DOCK5: variants seen among roughly 807,000 people sequenced by gnomAD.
The protein encoded by DOCK5 is dedicator of cytokinesis 5.
In DOCK5, 142 loss-of-function variants were observed where a neutral mutation model predicts 251.8. That is an observed-to-expected ratio of 0.56 (90% CI 0.49 to 0.65). The LOEUF is 0.65. Among genes scored for constraint, DOCK5 ranks in the 30% least tolerant of loss-of-function variants. The pLI is 0.00. For synonymous variants in DOCK5, 842 were observed against 835.5 expected, an observed-to-expected ratio of 1.01 and a Z score of -0.13; for missense variants, 2,111 against 2,312.3, an observed-to-expected ratio of 0.91 and a Z score of 1.79.
chr8:25,288,838 A>G (rs1251535326), intron 5 of DOCK5, among the ~76,000 whole-genome samples: 2 of 152,246 alleles, frequency 1.3e-5, no homozygotes, highest in African/African-American at 4.8e-5. Flanking sequence ...TAAAAATAGT[A>G]TCTTAAAAGC....
chr8:25,382,177 A>G (rs773461613), intron 39 of DOCK5, among the ~76,000 whole-genome samples: 1 of 151,872 alleles, frequency 6.6e-6, no homozygotes, highest in Non-Finnish European at 1.5e-5. Context: ...GAGTCTCACT[A>G]TGTTGCCCAG....
chr8:25,335,862 G>C (rs1004979809), intron 21 of DOCK5, among the ~76,000 whole-genome samples: 2 of 152,198 alleles, frequency 1.3e-5, no homozygotes, highest in Non-Finnish European at 2.9e-5. Context: ...CTTCTTTTAA[G>C]TCAACTCCTG....
chr8:25,351,176 G>A (rs1701236190), intron 26 of DOCK5, among the ~76,000 whole-genome samples: 1 of 152,074 alleles, frequency 6.6e-6, no homozygotes, highest in Non-Finnish European at 1.5e-5. Flanking sequence ...TCCTGCCTCA[G>A]CCTCCCGATT....
In DOCK5 at chr8:25,373,674, T is replaced by C. The variant is rs897398463; in HGVS notation, c.3725+16T>C. The C allele has an allele frequency of 1.3e-6, 2 of 1,583,032 alleles. No homozygotes were observed. The highest frequency in any genetic ancestry group is 2.3e-5 in the East Asian group (1 of 44,360). Reference sequence around the variant, plus strand: ...TATACATAAGGTAAGCTGAAGGAAATTTCTTGCTTCTGCTGTTTATTTCAT... The same window carrying C: ...TATACATAAGGTAAGCTGAAGGAAACTTCTTGCTTCTGCTGTTTATTTCAT... On this transcript the variant is annotated intron_variant, in intron 36 of 51. Transcript: ENST00000276440.
chr8:25,355,613 C>T (rs1200459222), intron 27 of DOCK5, among the ~76,000 whole-genome samples: 1 of 152,022 alleles, frequency 6.6e-6, no homozygotes, highest in Admixed American at 6.5e-5. Context: ...TGACACCCAG[C>T]TAATTTTTGT....
intron 28 of DOCK5, among the ~76,000 whole-genome samples, chr8:25,359,611 A>G (rs1465676639): frequency 6.6e-6 from 1 of 152,230 alleles, no homozygotes; most frequent in Non-Finnish European, 1.5e-5. Flanking sequence ...AGATTCTCAT[A>G]GGAGCTGAAT....
In DOCK5 at chr8:25,392,894, G is replaced by C; in HGVS notation, c.4527+12G>C. 1 of 1,601,788 alleles carries C rather than the reference G, an allele frequency of 6.2e-7. No homozygotes were observed. Among genetic ancestry groups the C allele is most frequent in the Non-Finnish European group, 8.5e-7 (1 of 1,172,500 alleles). On this transcript the variant is annotated intron_variant, in intron 44 of 51. Transcript: ENST00000276440. ...AACAGATTTCAACAGTGAGTCATTT[G>C]AAATTGGCATTTAGAAAAAAACTTT...
intron 1 of DOCK5, among the ~76,000 whole-genome samples, chr8:25,198,593 C>T (rs1801793267): frequency 6.6e-6 from 1 of 151,716 alleles, no homozygotes; most frequent in African/African-American, 2.4e-5. Flanking sequence ...AATACTAAGT[C>T]ATAAATAAGA....
intron 16 of DOCK5, 111 bp from the exon 17 acceptor site, chr8:25,323,737 A>G (rs1805486139): frequency 3.3e-6 from 4 of 1,216,936 alleles, no homozygotes. Flanking sequence ...AGTTGTGCTT[A>G]TTAGAATATG....
chr8:25,359,209 A>G (rs1800632885), intron 28 of DOCK5, 148 bp downstream of exon 28: 1 of 685,110 alleles, frequency 1.5e-6, no homozygotes, highest in Non-Finnish European at 2.6e-6. Context: ...CAGAAAGGAG[A>G]GAGCTGATTC....
intron 1 of DOCK5, among the ~76,000 whole-genome samples, chr8:25,229,397 C>G (rs912833781): frequency 6.6e-6 from 1 of 152,028 alleles, no homozygotes; most frequent in African/African-American, 2.4e-5. Context: ...AGGAGAACCT[C>G]TTGAACCCGG....
At chr8:25,312,998 T>A (rs1051761144) in intron 13 of DOCK5, among the ~76,000 whole-genome samples, 1 of 152,060 alleles carries the variant, frequency 6.6e-6, no homozygotes, top group Non-Finnish European at 1.5e-5. Flanking sequence ...CTAATCAAGA[T>A]CTCCTTGAAG....
intron 2 of DOCK5, among the ~76,000 whole-genome samples, chr8:25,267,845 G>A (rs771790805): frequency 1.1e-4 from 17 of 152,002 alleles, no homozygotes; most frequent in Non-Finnish European, 2.2e-4. Flanking sequence ...AACATCTATA[G>A]GGGTGTGTAC....
rs900112985 is a variant in DOCK5 at position 25,341,006 on chromosome 8, A to G, written c.2439+18A>G. On this transcript the variant is annotated intron_variant, in intron 23 of 51. Transcript: ENST00000276440. ...AGATCAAGGTCAGCCTGGCAGCATC[A>G]TGGGTAACTCTTCTTAGGCTGTGGT... 3.2e-6 allele frequency: 5 copies of G among 1,587,162 alleles called. No individual in the cohort carries two copies. The highest frequency in any genetic ancestry group is 1.7e-5 in the Admixed American group (1 of 58,096).
intron 1 of DOCK5, among the ~76,000 whole-genome samples, chr8:25,216,064 A>G (rs1425063229): frequency 6.6e-6 from 1 of 151,748 alleles, no homozygotes; most frequent in Non-Finnish European, 1.5e-5. Context: ...TGTATACAAT[A>G]TGTCTATACG....
At position 25,341,818 on chromosome 8, in the gene DOCK5, C is replaced by T. The variant is rs1272509606; in HGVS notation, c.2510+9C>T. 31 of 1,558,640 alleles carry T rather than the reference C, an allele frequency of 2.0e-5. No individual in the cohort carries two copies. The highest frequency in any genetic ancestry group is 2.6e-5 in the Non-Finnish European group (30 of 1,149,904). The stretch of plus-strand genomic sequence containing the variant: ...GATCCTGTTGAGCTCAGGTAAATAG[C>T]AAAACAAAATTTTGTTCCTTAACTC... On this transcript the variant is annotated intron_variant, in intron 24 of 51. Coordinates refer to ENST00000276440, the MANE Select transcript of DOCK5 (RefSeq NM_024940.8).
chr8:25,364,928 A>T (rs1010243626), intron 30 of DOCK5, among the ~76,000 whole-genome samples: 7 of 151,874 alleles, frequency 4.6e-5, no homozygotes, highest in African/African-American at 1.7e-4. Flanking sequence ...TAAAAAAAAA[A>T]TCTTAAAGAG....
chr8:25,372,826 C>CT, intron 35 of DOCK5, 108 bp downstream of exon 35: 1 of 1,107,054 alleles, frequency 9.0e-7, no homozygotes. Flanking sequence ...CCTGAGGCAC[C>CT]TTTGTGGAGC....
intron 18 of DOCK5, among the ~76,000 whole-genome samples, chr8:25,329,887 A>G (rs776557377): frequency 1.3e-5 from 2 of 152,210 alleles, no homozygotes; most frequent in Non-Finnish European, 2.9e-5. Flanking sequence ...TCTTAGAAAC[A>G]CAGCAAGCAT....
Sources: gnomAD v4.1 joint callset for allele counts (sites outside exome capture counted in the v4.1 genomes callset) on GRCh38, gnomAD v4.1.1 for gene constraint, MANE v1.5 for transcripts, NCBI Gene and HGNC (gene_info 2026-07-23, HGNC 2026-07-21) for gene names.